ARHGAP31: variants seen among roughly 807,000 people sequenced by gnomAD.
The protein encoded by ARHGAP31 is rho GTPase-activating protein 31.
A neutral mutation model predicts 113.9 loss-of-function variants in ARHGAP31; 34 were observed. That is an observed-to-expected ratio of 0.30 (90% CI 0.23 to 0.40). ARHGAP31 has a LOEUF of 0.40. ARHGAP31 is among the 10% of genes least tolerant of loss of function. ARHGAP31 has a pLI of 1.00. For missense variants in ARHGAP31, 1,548 were observed against 1,767.1 expected, an observed-to-expected ratio of 0.88 and a Z score of 2.22; for synonymous variants, 650 against 684.8, an observed-to-expected ratio of 0.95 and a Z score of 0.79.
intron 1 of ARHGAP31, among the ~76,000 whole-genome samples, chr3:119,309,950 T>C (rs1441606521): frequency 2.6e-5 from 1 of 39,062 alleles, no homozygotes; most frequent in South Asian, 8.0e-4. Context: ...CTATCAACTG[T>C]TTTTTTTTTT....
At chr3:119,337,297 T>C (rs994121341) in intron 1 of ARHGAP31, among the ~76,000 whole-genome samples, 1 of 152,168 alleles carries the variant, frequency 6.6e-6, no homozygotes, top group East Asian at 1.9e-4. Context: ...CTGCAGACCT[T>C]TGCGTTGAGT....
intron 1 of ARHGAP31, among the ~76,000 whole-genome samples, chr3:119,310,243 A>G (rs1376445950): frequency 6.6e-6 from 1 of 152,210 alleles, no homozygotes; most frequent in African/African-American, 2.4e-5. Context: ...AAAAGAGAAA[A>G]CCAGTTAGGG....
At chr3:119,311,471 A>G in intron 1 of ARHGAP31, among the ~76,000 whole-genome samples, 1 of 152,170 alleles carries the variant, frequency 6.6e-6, no homozygotes, top group East Asian at 1.9e-4. Context: ...CCATCTCAAG[A>G]TCTTTAATTT....
intron 1 of ARHGAP31, among the ~76,000 whole-genome samples, chr3:119,325,647 A>G (rs935619): frequency 0.71 from 84,031 of 118,558 alleles, 25,700 homozygotes; most frequent in African/African-American, 0.73. Context: ...CCTGGTGGGG[A>G]TGGCGGGGGT....
chr3:119,414,628 A>G lies in ARHGAP31; in HGVS notation c.2699A>G (p.His900Arg). The G allele has an allele frequency of 6.2e-7, 1 of 1,614,230 alleles. No homozygotes were observed. The highest frequency in any genetic ancestry group is 8.5e-7 in the Non-Finnish European group (1 of 1,180,032). Residue 900 changes from histidine (H) to arginine (R), a missense_variant, in exon 12 of 12, where the codon CAT becomes CGT. By Grantham distance (29) the His-to-Arg change is conservative. Coordinates refer to ENST00000264245, the MANE Select transcript of ARHGAP31 (RefSeq NM_020754.4). Reference protein sequence around the residue: ...EDDTVTDIAQHGLEMVEPWEE... With the variant: ...EDDTVTDIAQRGLEMVEPWEE... ...GACACTGTGACAGACATTGCCCAGC[A>G]TGGCCTGGAGATGGTGGAGCCCTGG...
chr3:119,344,700 G>A (rs2080038531), intron 1 of ARHGAP31, among the ~76,000 whole-genome samples: 1 of 151,946 alleles, frequency 6.6e-6, no homozygotes, highest in African/African-American at 2.4e-5. Flanking sequence ...CGTGATCATG[G>A]CTCACGGCAG....
At chr3:119,317,006 G>A (rs1272727823) in intron 1 of ARHGAP31, among the ~76,000 whole-genome samples, 2 of 152,086 alleles carry the variant, frequency 1.3e-5, no homozygotes, top group Non-Finnish European at 2.9e-5. Context: ...GTTTACTCCA[G>A]AAGCTTTCCT....
chr3:119,380,603 C>A (rs141340089), intron 3 of ARHGAP31, among the ~76,000 whole-genome samples: 2 of 122,596 alleles, frequency 1.6e-5, no homozygotes, highest in African/African-American at 6.1e-5. Flanking sequence ...TCTCTACCCC[C>A]GAGACACACC....
At chr3:119,332,481 C>T (rs1053514032) in intron 1 of ARHGAP31, among the ~76,000 whole-genome samples, 1 of 152,066 alleles carries the variant, frequency 6.6e-6, no homozygotes, top group African/African-American at 2.4e-5. Context: ...ATTACATAGG[C>T]AAGAGCCACC....
At chr3:119,358,712 C>T (rs953564948) in intron 1 of ARHGAP31, among the ~76,000 whole-genome samples, 1 of 152,104 alleles carries the variant, frequency 6.6e-6, no homozygotes, top group Non-Finnish European at 1.5e-5. Context: ...ACCTTGAAAA[C>T]ACTATGCTAA....
At chr3:119,393,676 C>T (rs1269078193) in intron 8 of ARHGAP31, 85 bp downstream of exon 8, 8 of 1,512,464 alleles carry the variant, frequency 5.3e-6, no homozygotes, top group Non-Finnish European at 7.3e-6. Flanking sequence ...TCATATCAAA[C>T]ACACTAGCTC....
At chr3:119,396,045 T>A (rs1559991892) in intron 8 of ARHGAP31, among the ~76,000 whole-genome samples, 1 of 152,114 alleles carries the variant, frequency 6.6e-6, no homozygotes, top group Non-Finnish European at 1.5e-5. Context: ...GGTACAGCCA[T>A]GAAAGAGGTT....
At chr3:119,386,184 CT>C (rs2080446571) in intron 6 of ARHGAP31, among the ~76,000 whole-genome samples, 1 of 152,312 alleles carries the variant, frequency 6.6e-6, no homozygotes, top group Middle Eastern at 3.4e-3. Context: ...GCCCTATTCT[CT>C]GGAATTTTAG....
intron 5 of ARHGAP31, 92 bp downstream of exon 5, chr3:119,382,491 C>G: frequency 7.8e-7 from 1 of 1,273,888 alleles, no homozygotes; most frequent in Non-Finnish European, 1.1e-6. Context: ...ATTGAAGCCC[C>G]TTTAAAACAA....
intron 3 of ARHGAP31, among the ~76,000 whole-genome samples, chr3:119,370,228 A>C (rs2080286715): frequency 6.6e-6 from 1 of 152,230 alleles, no homozygotes; most frequent in African/African-American, 2.4e-5. Flanking sequence ...CTGTCAGATT[A>C]TAATCACTTT....
At chr3:119,313,714 T>C (rs1455000118) in intron 1 of ARHGAP31, among the ~76,000 whole-genome samples, 2 of 152,226 alleles carry the variant, frequency 1.3e-5, no homozygotes, top group South Asian at 2.1e-4. Flanking sequence ...TCCATGCATC[T>C]TGGTCACAGT....
chr3:119,352,125 C>A (rs923422290), intron 1 of ARHGAP31, among the ~76,000 whole-genome samples: 4 of 152,184 alleles, frequency 2.6e-5, no homozygotes, highest in Non-Finnish European at 4.4e-5. Flanking sequence ...CAAAGCACAG[C>A]AGCTTCATCA....
chr3:119,355,597 A>G (rs577158006), intron 1 of ARHGAP31, among the ~76,000 whole-genome samples: 89 of 151,592 alleles, frequency 5.9e-4, no homozygotes, highest in African/African-American at 2.1e-3. Context: ...TTAACTCGTC[A>G]TTTGCATTAG....
intron 1 of ARHGAP31, among the ~76,000 whole-genome samples, chr3:119,301,644 G>GTT (rs11347020): frequency 1.2e-4 from 18 of 151,342 alleles, no homozygotes; most frequent in South Asian, 2.1e-4. Flanking sequence ...GATGGGGACT[G>GTT]TTTTTTTTTA....
Sources: gnomAD v4.1 joint callset for allele counts (sites outside exome capture counted in the v4.1 genomes callset) on GRCh38, gnomAD v4.1.1 for gene constraint, MANE v1.5 for transcripts, NCBI Gene and HGNC (gene_info 2026-07-23, HGNC 2026-07-21) for gene names.